The following EXOC6B variants were observed in gnomAD, a reference collection of about 807,000 sequenced individuals.
EXOC6B encodes SEC15 homolog B.
A neutral mutation model predicts 113.5 loss-of-function variants in EXOC6B; 54 were observed. That is an observed-to-expected ratio of 0.48 (90% CI 0.38 to 0.60). The LOEUF (loss-of-function observed/expected upper bound fraction) is 0.60, where lower values mean the gene tolerates loss of function less well. Among genes scored for constraint, EXOC6B ranks in the 20% least tolerant of loss-of-function variants. The probability of loss-of-function intolerance (pLI) is 0.00; values close to 1 mark genes in which losing one functional copy is unlikely to be tolerated. For synonymous variants in EXOC6B, 357 were observed against 339.0 expected (o/e 1.05, Z -0.58); for missense variants, 797 against 977.5 (o/e 0.82, Z 2.46).
chr2:72,581,364 C>A (rs1044078295), intron 6 of EXOC6B, among the ~76,000 whole-genome samples: 7 of 152,076 alleles, frequency 4.6e-5, no homozygotes, highest in Non-Finnish European at 8.8e-5. Flanking sequence ...AGGAAAAAGA[C>A]CATCTTCAGA....
chr2:72,780,370 T>C (rs1022169473), intron 1 of EXOC6B, among the ~76,000 whole-genome samples: 8 of 152,232 alleles, frequency 5.3e-5, no homozygotes, highest in African/African-American at 2.4e-5. Flanking sequence ...GAACAAGCTC[T>C]AACACTTTAT....
At chr2:72,406,931 A>C (rs1693814372) in intron 18 of EXOC6B, among the ~76,000 whole-genome samples, 1 of 152,152 alleles carries the variant, frequency 6.6e-6, no homozygotes, top group Non-Finnish European at 1.5e-5. Context: ...TTTTTTGAAA[A>C]GATCAACAAA....
At chr2:72,684,478 C>T (rs1395629843) in intron 6 of EXOC6B, among the ~76,000 whole-genome samples, 3 of 151,966 alleles carry the variant, frequency 2.0e-5, no homozygotes, top group South Asian at 2.1e-4. Flanking sequence ...GTATATTTAC[C>T]CAAGAGAAAT....
At chr2:72,329,219 C>T (rs1336870261) in intron 20 of EXOC6B, among the ~76,000 whole-genome samples, 2 of 152,102 alleles carry the variant, frequency 1.3e-5, no homozygotes, top group Admixed American at 6.6e-5. Context: ...GGGAAAACTA[C>T]AGTTCATCTC....
intron 17 of EXOC6B, among the ~76,000 whole-genome samples, chr2:72,472,638 T>C (rs1329289948): frequency 6.6e-6 from 1 of 152,166 alleles, no homozygotes; most frequent in East Asian, 1.9e-4. Context: ...TTTTACCTTT[T>C]CAAGGAACCG....
chr2:72,813,622 T>TA (rs1686046162), intron 1 of EXOC6B, among the ~76,000 whole-genome samples: 1 of 152,168 alleles, frequency 6.6e-6, no homozygotes, highest in Non-Finnish European at 1.5e-5. Context: ...TTTTCCGTTT[T>TA]AAAAAATGTA....
In EXOC6B at chr2:72,825,784, G is replaced by A. The variant is rs200678276; in HGVS notation, c.113+14C>T. 8.0e-6 allele frequency: 11 copies of A among 1,375,146 alleles called. No individual in the cohort carries two copies. The highest frequency in any genetic ancestry group is 1.1e-5 in the Non-Finnish European group (11 of 1,008,958). 85.2% of individuals were successfully genotyped at this position (1,375,146 alleles called of 1,614,324 possible). The stretch of plus-strand genomic sequence containing the variant: ...CCCGTTCCCGCCCCTCTGTGGTCCC[G>A]GCACCCGGGGTACCTGAGCGTGGGC... On this transcript the variant is annotated intron_variant, in intron 1 of 21. Coordinates refer to ENST00000272427, the MANE Select transcript of EXOC6B (RefSeq NM_015189.3). The surrounding 1 kb of genome is among the most constrained non-coding windows in gnomAD (Gnocchi z 4.4).
chr2:72,600,459 A>C (rs945107403), intron 6 of EXOC6B, among the ~76,000 whole-genome samples: 5 of 151,340 alleles, frequency 3.3e-5, no homozygotes, highest in Non-Finnish European at 7.4e-5. Context: ...AAAAAAAAAA[A>C]AAAAAACTAC....
At chr2:72,204,902 AAGG>A (rs1679738820) in intron 20 of EXOC6B, among the ~76,000 whole-genome samples, 1 of 152,172 alleles carries the variant, frequency 6.6e-6, no homozygotes, top group South Asian at 2.1e-4. Flanking sequence ...TCCCAGAAAG[AAGG>A]AGAAAGAAAT....
chr2:72,443,650 C>T (rs926685644), intron 18 of EXOC6B, among the ~76,000 whole-genome samples: 1 of 152,144 alleles, frequency 6.6e-6, no homozygotes, highest in Non-Finnish European at 1.5e-5. Flanking sequence ...CCCTCACAAT[C>T]ATGGCAGAAG....
At chr2:72,388,473 C>A (rs1487170511) in intron 18 of EXOC6B, among the ~76,000 whole-genome samples, 1 of 151,884 alleles carries the variant, frequency 6.6e-6, no homozygotes, top group Non-Finnish European at 1.5e-5. Flanking sequence ...AGGATGTGGT[C>A]TAGCTTAGTG....
chr2:72,576,056 ATC>A (rs2103828441), intron 6 of EXOC6B, among the ~76,000 whole-genome samples: 1 of 152,292 alleles, frequency 6.6e-6, no homozygotes, highest in East Asian at 1.9e-4. Flanking sequence ...CCTAGCATTT[ATC>A]TCTTACAAGA....
chr2:72,493,840 T>C (rs1300742473), intron 15 of EXOC6B, among the ~76,000 whole-genome samples: 1 of 152,114 alleles, frequency 6.6e-6, no homozygotes, highest in Non-Finnish European at 1.5e-5. Context: ...TAATTATTCT[T>C]AAAGCTGCAT....
At chr2:72,596,135 T>C (rs1462789515) in intron 6 of EXOC6B, among the ~76,000 whole-genome samples, 1 of 152,164 alleles carries the variant, frequency 6.6e-6, no homozygotes, top group African/African-American at 2.4e-5. Context: ...GGAACAGACT[T>C]CTGGTTTCAG....
chr2:72,797,607 C>T (rs1573813196), intron 1 of EXOC6B, among the ~76,000 whole-genome samples: 1 of 151,940 alleles, frequency 6.6e-6, no homozygotes, highest in Non-Finnish European at 1.5e-5. Flanking sequence ...TGAGGTTGGG[C>T]GCTTGAGACC....
At chr2:72,550,904 A>ATTTTTT (rs1463200496) in intron 8 of EXOC6B, among the ~76,000 whole-genome samples, 9 of 149,718 alleles carry the variant, frequency 6.0e-5, no homozygotes, top group African/African-American at 2.0e-4. Context: ...GATAACTGCC[A>ATTTTTT]TTTATTTTTT....
At chr2:72,558,750 C>A (rs1013080969) in intron 8 of EXOC6B, among the ~76,000 whole-genome samples, 78 of 150,364 alleles carry the variant, frequency 5.2e-4, no homozygotes, top group African/African-American at 1.8e-3. Context: ...GCCTAGGCAA[C>A]AAGAGCAAAA....
chr2:72,311,079 A>G (rs545317170), intron 20 of EXOC6B, among the ~76,000 whole-genome samples: 1 of 152,260 alleles, frequency 6.6e-6, no homozygotes, highest in African/African-American at 2.4e-5. Flanking sequence ...AATAATATAA[A>G]CTGACATTGA....
intron 20 of EXOC6B, among the ~76,000 whole-genome samples, chr2:72,241,586 GA>G (rs1400352408): frequency 3.3e-5 from 5 of 151,854 alleles, no homozygotes; most frequent in African/African-American, 7.3e-5. Flanking sequence ...CAAAGGCAAA[GA>G]AAAAAATCTT....
Sources: allele counts gnomAD v4.1 joint callset (sites outside exome capture counted in the v4.1 genomes callset), GRCh38; gene constraint gnomAD v4.1.1; non-coding constraint Gnocchi (gnomAD v3.1); transcripts MANE v1.5; gene names NCBI Gene and HGNC (gene_info 2026-07-23, HGNC 2026-07-21).